The following MCFD2 variants were observed in gnomAD, a reference collection of about 807,000 sequenced individuals.
MCFD2 encodes multiple coagulation factor deficiency 2, ER cargo receptor complex subunit, also known as multiple coagulation factor deficiency protein 2.
A neutral mutation model predicts 12.8 loss-of-function variants in MCFD2; 11 were observed. That is an observed-to-expected ratio of 0.86 (90% confidence interval 0.54 to 1.42). The LOEUF is 1.42. Ranked by LOEUF, MCFD2 falls within the 40% of genes most tolerant of loss-of-function variation. MCFD2 has a pLI of 0.00. For missense variants in MCFD2, 191 were observed against 178.6 expected (o/e 1.07, Z -0.40); for synonymous variants, 70 against 68.1 (o/e 1.03, Z -0.14).
At chr2:46,938,122 C>A (rs559079502) in intron 1 of MCFD2, among the ~76,000 whole-genome samples, 2 of 152,152 alleles carry the variant, frequency 1.3e-5, no homozygotes, top group South Asian at 4.2e-4. Context: ...ATGGCCAGAT[C>A]TCCAAAACCT....
At chr2:46,920,428 C>A (rs1193740782), upstream of MCFD2, among the ~76,000 whole-genome samples, 2 of 152,178 alleles carry the variant, frequency 1.3e-5, no homozygotes, top group East Asian at 3.9e-4. Context: ...CTCCTGGGTT[C>A]AAGCAGTTCT....
intron 1 of MCFD2, among the ~76,000 whole-genome samples, chr2:46,912,233 G>A (rs570309363): frequency 1.3e-5 from 2 of 152,338 alleles, no homozygotes; most frequent in South Asian, 2.1e-4. Flanking sequence ...CAGCTATTTG[G>A]GAGGCTGAGG....
intron 1 of MCFD2, among the ~76,000 whole-genome samples, chr2:46,934,963 G>T (rs1278737459): frequency 6.6e-6 from 1 of 151,766 alleles, no homozygotes; most frequent in Non-Finnish European, 1.5e-5. Context: ...ACCACGTCCA[G>T]CTAATTTTTG....
chr2:46,917,305 C>A (rs912329165), upstream of MCFD2: 6 of 649,276 alleles, frequency 9.2e-6, no homozygotes, highest in Admixed American at 1.1e-4. Flanking sequence ...GACAAAGAAT[C>A]CCTAAGTTTT....
At chr2:46,916,650 G>C (rs962363968), upstream of MCFD2, 6 of 154,674 alleles carry the variant, frequency 3.9e-5, no homozygotes, top group African/African-American at 1.5e-4. Context: ...GTTTTGTTTT[G>C]TTTTGAGACG....
At chr2:46,917,289 C>T, upstream of MCFD2, 1 of 662,104 alleles carries the variant, frequency 1.5e-6, no homozygotes, top group Non-Finnish European at 2.7e-6. Context: ...TGAGCCACCG[C>T]GCCGGGACAA....
rs1443260507 is a variant in MCFD2, at chr2:46,902,569, T to C, written c.*2894A>G. On this transcript the variant is annotated 3_prime_UTR_variant, in exon 4 of 4. Transcript: ENST00000319466. ...AAGTATAAGGATGTGGCAGTAGTTG[T>C]ATAAAATACTGAAAATCTGAAAGAG... 1 of 152,670 alleles carries C rather than the reference T, an allele frequency of 6.6e-6. No homozygotes were observed. The highest frequency in any genetic ancestry group is 1.9e-4 in the East Asian group (1 of 5,208). The allele number at this position is 152,670 out of a possible 1,614,324, so 9.5% of individuals were successfully genotyped here. A position where few individuals can be genotyped will look rare whatever the true frequency, so the allele number is the denominator to read the frequency against.
chr2:46,928,459 TAAA>T (rs35897582), intron 1 of MCFD2, among the ~76,000 whole-genome samples: 1,323 of 81,974 alleles, frequency 0.016, 24 homozygotes, highest in African/African-American at 0.047. Flanking sequence ...AAAGGGAAAT[TAAA>T]AAAAAAAAAA....
At chr2:46,934,126 CA>C (rs1669847145) in intron 1 of MCFD2, among the ~76,000 whole-genome samples, 1 of 151,500 alleles carries the variant, frequency 6.6e-6, no homozygotes, top group Admixed American at 6.6e-5. Flanking sequence ...GAACAGAAAC[CA>C]TCTACACCTA....
upstream of MCFD2, among the ~76,000 whole-genome samples, chr2:46,920,254 C>T (rs73926963): frequency 0.012 from 1,789 of 152,174 alleles, 41 homozygotes; most frequent in African/African-American, 0.04. Flanking sequence ...CCTTTTGTCT[C>T]GCTCTCCTTT....
chr2:46,930,091 C>G (rs1306412200), intron 1 of MCFD2, among the ~76,000 whole-genome samples: 1 of 152,010 alleles, frequency 6.6e-6, no homozygotes, highest in East Asian at 1.9e-4. Flanking sequence ...TGTATCATAA[C>G]CTAACCTTTC....
intron 1 of MCFD2, among the ~76,000 whole-genome samples, chr2:46,925,154 C>G (rs1669321629): frequency 1.3e-5 from 2 of 152,152 alleles, no homozygotes; most frequent in South Asian, 4.1e-4. Context: ...GGTTGTCTGG[C>G]TATGTTCCCC....
chr2:46,917,709 C>T (rs79928008), upstream of MCFD2, among the ~76,000 whole-genome samples: 634 of 152,298 alleles, frequency 4.2e-3, 3 homozygotes, highest in Non-Finnish European at 7.2e-3. Flanking sequence ...TGTATTTTCT[C>T]CCCCACCATA....
At position 46,902,803 on chromosome 2, in the gene MCFD2, T is replaced by A. The variant is rs1408570760; in HGVS notation, c.*2660A>T. ...GAACTTTACAGAATACTGACCATGT[T>A]TGCCTGAAGAGATAGGAACCACCAG... is the stretch of plus-strand genomic sequence containing the variant. On this transcript the variant is annotated 3_prime_UTR_variant, in exon 4 of 4. Transcript: ENST00000319466. 6.6e-6 allele frequency: 1 copy of A among 152,238 alleles called. No homozygotes were observed. Among genetic ancestry groups the A allele is most frequent in the Non-Finnish European group, 1.5e-5 (1 of 68,042 alleles). The allele number at this position is 152,238 out of a possible 1,614,324, so 9.4% of individuals were successfully genotyped here.
intron 1 of MCFD2, among the ~76,000 whole-genome samples, chr2:46,939,235 T>C (rs192108801): frequency 3.9e-5 from 6 of 151,940 alleles, no homozygotes; most frequent in Admixed American, 3.9e-4. Flanking sequence ...AATTGTACAA[T>C]AGCCTCTAAA....
At chr2:46,921,049 C>T (rs1361501882) in intron 1 of MCFD2, among the ~76,000 whole-genome samples, 1 of 151,480 alleles carries the variant, frequency 6.6e-6, no homozygotes, top group African/African-American at 2.4e-5. Context: ...TGTTAAAAAC[C>T]CACAGTTAAT....
chr2:46,905,801 A>G, intron 3 of MCFD2: 1 of 644,684 alleles, frequency 1.6e-6, no homozygotes, highest in South Asian at 1.7e-5. Flanking sequence ...GAATCTAGAT[A>G]TATAGAGAGA....
rs563332032 is a variant in MCFD2, at chr2:46,902,762, A to C, written c.*2701T>G. 1.3e-5 allele frequency: 2 copies of C among 152,354 alleles called. No homozygotes were observed. The highest frequency in any genetic ancestry group is 4.8e-5 in the African/African-American group (2 of 41,572). 9.4% of individuals were successfully genotyped at this position (152,354 alleles called of 1,614,324 possible). On this transcript the variant is annotated 3_prime_UTR_variant, in exon 4 of 4. Transcript: ENST00000319466. Reference sequence around the variant, plus strand: ...AATATCCACTTGCCCAGAGCAAGTAATCATTTAGGCCAGGGGAACTTTACA... The same window carrying C: ...AATATCCACTTGCCCAGAGCAAGTACTCATTTAGGCCAGGGGAACTTTACA...
chr2:46,915,946 G>T, upstream of MCFD2: 1 of 985,400 alleles, frequency 1.0e-6, no homozygotes, highest in Non-Finnish European at 1.2e-6. Flanking sequence ...ATCGGCCCGG[G>T]CCCAGCACTG....
Sources: allele counts gnomAD v4.1 joint callset (sites outside exome capture counted in the v4.1 genomes callset), GRCh38; gene constraint gnomAD v4.1.1; transcripts MANE v1.5; gene names NCBI Gene and HGNC (gene_info 2026-07-23, HGNC 2026-07-21).